Variants in SLC33A1 observed in about 807,000 individuals in gnomAD.
SLC33A1 encodes the protein solute carrier family 33 member 1, also known as acetyl-coenzyme A transporter 1.
A neutral mutation model predicts 50.0 loss-of-function variants in SLC33A1; 20 were observed. The ratio of observed to expected loss-of-function variants is 0.40; its 90% CI spans 0.28 to 0.58. SLC33A1 has a LOEUF of 0.58. Ranked by LOEUF, SLC33A1 falls within the 20% of genes least tolerant of loss-of-function variation. SLC33A1 has a pLI of 0.44. For missense variants in SLC33A1, 476 were observed against 657.0 expected, an observed-to-expected ratio of 0.72 and a Z score of 3.01; for synonymous variants, 265 against 251.8, an observed-to-expected ratio of 1.05 and a Z score of -0.50.
intron 2 of SLC33A1, among the ~76,000 whole-genome samples, chr3:155,838,651 A>G (rs1314112772): frequency 6.7e-6 from 1 of 149,682 alleles, no homozygotes; most frequent in East Asian, 2.0e-4. Context: ...ACTGCACTCC[A>G]GCTTGGGCAA....
At chr3:155,850,885 G>A (rs1313861613) in intron 1 of SLC33A1, among the ~76,000 whole-genome samples, 1 of 151,606 alleles carries the variant, frequency 6.6e-6, no homozygotes, top group Non-Finnish European at 1.5e-5. Flanking sequence ...CCAAAGTGCT[G>A]GGATTACAGG....
Position 155,835,614 on chromosome 3 carries a change from G to A in SLC33A1, c.964-1573C>T, listed in dbSNP as rs576309142. 1.6e-4 allele frequency among the ~76,000 whole-genome samples: 25 copies of A among 152,174 alleles called. No individual in the cohort carries two copies. The East Asian group carries it at 4.6e-3, about 28-fold the overall frequency. On this transcript the variant is annotated intron_variant, in intron 2 of 5. Transcript: ENST00000643144. ...TAGCATGTGTACAGTAAAAAAATGGGCAACATGGTGCAGCTCAGGCAGAGA... is the reference window on the plus strand; with the variant it reads ...TAGCATGTGTACAGTAAAAAAATGGACAACATGGTGCAGCTCAGGCAGAGA...
intron 1 of SLC33A1, among the ~76,000 whole-genome samples, chr3:155,850,281 A>T (rs1431903111): frequency 6.6e-6 from 1 of 152,130 alleles, no homozygotes; most frequent in Non-Finnish European, 1.5e-5. Context: ...TGTTGGGATT[A>T]CAGGCGTGAG....
At chr3:155,838,479 G>A (rs746751215) in intron 2 of SLC33A1, among the ~76,000 whole-genome samples, 10 of 151,350 alleles carry the variant, frequency 6.6e-5, no homozygotes, top group Non-Finnish European at 1.0e-4. Context: ...TCAGGAGTTC[G>A]AGACCAGCCT....
Position 155,834,846 on chromosome 3 carries a change from GA to G in SLC33A1, c.964-806del, listed in dbSNP as rs74536562. 5.5e-4 allele frequency among the ~76,000 whole-genome samples: 79 copies of G among 143,250 alleles called. 3 individuals carry two copies. In the East Asian group the frequency reaches 0.016, roughly 29 times the overall value. The allele number at this position is 143,250 out of a possible 152,430, so 94.0% of individuals were successfully genotyped here. ...TGAATAACCTCAACCCAAACAAGAA[GA>G]AACATGAGAGAAATGTAACTAGAAG... is the stretch of plus-strand genomic sequence containing the variant. On this transcript the variant is annotated intron_variant, in intron 2 of 5. Coordinates refer to ENST00000643144, the MANE Select transcript of SLC33A1 (RefSeq NM_004733.4).
intron 4 of SLC33A1, among the ~76,000 whole-genome samples, chr3:155,831,457 CA>C (rs397991448): frequency 0.09 from 4,137 of 45,998 alleles, 4 homozygotes; most frequent in South Asian, 0.17. Flanking sequence ...GACTCTGTCT[CA>C]AAAAAAAAAA....
intron 5 of SLC33A1, 49 bp downstream of exon 5, chr3:155,829,639 T>TAATATCTTA: frequency 6.2e-6 from 8 of 1,281,834 alleles, no homozygotes; most frequent in Non-Finnish European, 9.1e-6. Context: ...ACAAAGATAT[T>TAATATCTTA]AATATCTTAG....
chr3:155,853,029 A>G, intron 1 of SLC33A1, 194 bp downstream of exon 1: 1 of 609,458 alleles, frequency 1.6e-6, no homozygotes, highest in East Asian at 2.8e-5. Context: ...CCGCATAGTG[A>G]TCATTTGATT....
chr3:155,839,636 C>T (rs1296385286), intron 2 of SLC33A1, among the ~76,000 whole-genome samples: 1 of 151,980 alleles, frequency 6.6e-6, no homozygotes, highest in Non-Finnish European at 1.5e-5. Flanking sequence ...ATATATGATT[C>T]AATTTCACTT....
chr3:155,841,734 T>TTTTATTTA (rs548569925), intron 2 of SLC33A1, among the ~76,000 whole-genome samples: 25 of 151,836 alleles, frequency 1.6e-4, no homozygotes, highest in African/African-American at 4.6e-4. Context: ...TTCTATATCT[T>TTTTATTTA]TTTATTTATT....
chr3:155,842,112 A>T (rs1752960104), intron 2 of SLC33A1, among the ~76,000 whole-genome samples: 1 of 152,170 alleles, frequency 6.6e-6, no homozygotes, highest in Admixed American at 6.6e-5. Context: ...ATGTATACTC[A>T]TTATAAGAAG....
chr3:155,842,682 A>C (rs2107981529), intron 1 of SLC33A1, 63 bp from the exon 2 acceptor site: 1 of 863,934 alleles, frequency 1.2e-6, no homozygotes, highest in African/African-American at 1.7e-5. Context: ...ATACTAAATA[A>C]TTCTATATAC....
At chr3:155,849,711 C>T (rs896551144) in intron 1 of SLC33A1, among the ~76,000 whole-genome samples, 1 of 151,632 alleles carries the variant, frequency 6.6e-6, no homozygotes, top group Non-Finnish European at 1.5e-5. Context: ...AGTTCAAGAC[C>T]AGCCTGGCCA....
chr3:155,851,180 G>A (rs900162625), intron 1 of SLC33A1, among the ~76,000 whole-genome samples: 5 of 151,862 alleles, frequency 3.3e-5, no homozygotes, highest in African/African-American at 9.7e-5. Context: ...AGTGGAAATC[G>A]CAGTGAGCTG....
Position 155,854,039 on chromosome 3 carries a change from T to C in SLC33A1, c.-42A>G. On this transcript the variant is annotated 5_prime_UTR_variant, in exon 1 of 6. Transcript: ENST00000643144. ...AGCCCCGTCTGTGGGGGGCCGAGGC[T>C]GAGCGTTTTGGATCCGTCCAGTCCC... 2 of 1,499,820 alleles carry C rather than the reference T, an allele frequency of 1.3e-6. No individual in the cohort carries two copies. Among genetic ancestry groups the C allele is most frequent in the Non-Finnish European group, 8.9e-7 (1 of 1,123,236 alleles). 92.9% of individuals were successfully genotyped at this position (1,499,820 alleles called of 1,614,324 possible). A position where few individuals can be genotyped will look rare whatever the true frequency, so the allele number is the denominator to read the frequency against.
chr3:155,845,059 A>G (rs1361282587), intron 1 of SLC33A1: 1 of 151,146 alleles, frequency 6.6e-6, no homozygotes, highest in Non-Finnish European at 1.5e-5. Flanking sequence ...CTGTTTTAAA[A>G]CAGTTGTTTA....
rs1326519363 is a variant in SLC33A1, at chr3:155,842,425, C to T, written c.963+7G>A. ...AAAATGATAAATTTGATTTATAAAT[C>T]TCTTACCTTTGCAGTTAGAATCAGA... is the stretch of plus-strand genomic sequence containing the variant. On this transcript the variant is annotated splice_region_variant and intron_variant, in intron 2 of 5. Coordinates refer to ENST00000643144, the MANE Select transcript of SLC33A1 (RefSeq NM_004733.4). 6.3e-7 allele frequency: 1 copy of T among 1,576,052 alleles called. No homozygotes were observed. The highest frequency in any genetic ancestry group is 8.7e-7 in the Non-Finnish European group (1 of 1,147,602).
intron 1 of SLC33A1, among the ~76,000 whole-genome samples, chr3:155,846,113 C>T (rs943816081): frequency 6.6e-6 from 1 of 152,122 alleles, no homozygotes; most frequent in Non-Finnish European, 1.5e-5. Context: ...CATTAGTAAC[C>T]AATAAAGGTA....
At chr3:155,843,792 C>T (rs1753017210) in intron 1 of SLC33A1, among the ~76,000 whole-genome samples, 1 of 152,192 alleles carries the variant, frequency 6.6e-6, no homozygotes, top group Non-Finnish European at 1.5e-5. Context: ...TGTGATTTCA[C>T]ACCTTATAAG....
Sources: allele counts gnomAD v4.1 joint callset (sites outside exome capture counted in the v4.1 genomes callset), GRCh38; gene constraint gnomAD v4.1.1; transcripts MANE v1.5; gene names NCBI Gene and HGNC (gene_info 2026-07-23, HGNC 2026-07-21).